Variants in NLGN4Y observed in about 807,000 individuals in gnomAD.
NLGN4Y encodes the protein neuroligin-4, Y-linked.
Under a neutral mutation model 8.4 loss-of-function variants are expected in NLGN4Y, and 4 were observed. That is an observed-to-expected ratio of 0.48 (90% CI 0.23 to 1.09). The LOEUF (loss-of-function observed/expected upper bound fraction) is 1.09, where lower values mean the gene tolerates loss of function less well. Among genes scored for constraint, NLGN4Y ranks in the 50% least tolerant of loss-of-function variants. The probability of loss-of-function intolerance (pLI) is 0.19; values close to 1 mark genes in which losing one functional copy is unlikely to be tolerated. For missense variants in NLGN4Y, 90 were observed against 192.3 expected, an observed-to-expected ratio of 0.47 and a Z score of 3.15; for synonymous variants, 35 against 75.6, an observed-to-expected ratio of 0.46 and a Z score of 2.78.
intron 2 of NLGN4Y, among the ~76,000 whole-genome samples, chrY:14,694,961 C>A (rs2080822715): frequency 3.0e-5 from 1 of 33,641 alleles, no homozygotes; most frequent in Non-Finnish European, 7.4e-5. Context: ...GGCTTTCCAG[C>A]CATTATAATT....
intron 2 of NLGN4Y, among the ~76,000 whole-genome samples, chrY:14,702,453 G>A (rs2080855153): frequency 3.1e-5 from 1 of 31,861 alleles, no homozygotes; most frequent in Non-Finnish European, 7.6e-5. Context: ...GAGAATGATG[G>A]TTTCCAGCTT....
intron 2 of NLGN4Y, among the ~76,000 whole-genome samples, chrY:14,702,253 C>G: frequency 3.1e-5 from 1 of 32,432 alleles, no homozygotes; most frequent in Non-Finnish European, 7.5e-5. Flanking sequence ...TGTTGGTGTG[C>G]TGCACCCATT....
chrY:14,695,323 AT>A (rs2080823827), intron 2 of NLGN4Y, among the ~76,000 whole-genome samples: 1 of 33,677 alleles, frequency 3.0e-5, no homozygotes, highest in Non-Finnish European at 7.4e-5. Context: ...ATGTTCTTTA[AT>A]CCTAATAGGG....
rs376814744 is a variant in NLGN4Y at position 14,820,301 on chromosome Y, C to T, written c.686-3887C>T. On this transcript the variant is annotated intron_variant, in intron 4 of 6. Transcript: ENST00000684976. The stretch of plus-strand genomic sequence containing the variant: ...ATCTGTAAGAGTCCTAAGCATTCTC[C>T]TCTTAGTATTGGGACCTTATCCTTG... Among the ~76,000 whole-genome samples, 156 of 32,971 alleles carry T rather than the reference C, an allele frequency of 4.7e-3. No homozygotes were observed. In the East Asian group the frequency reaches 0.07, roughly 15 times the overall value. The allele number at this position is 32,971 out of a possible 37,273, so 88.5% of individuals were successfully genotyped here.
chrY:14,589,778 C>T, intron 1 of NLGN4Y, among the ~76,000 whole-genome samples: 2 of 34,515 alleles, frequency 5.8e-5, no homozygotes, highest in African/African-American at 2.3e-4. Flanking sequence ...CTGCACCATG[C>T]GCTCACATTC....
At chrY:14,584,513 G>A in intron 1 of NLGN4Y, among the ~76,000 whole-genome samples, 1 of 32,527 alleles carries the variant, frequency 3.1e-5, no homozygotes, top group Admixed American at 2.9e-4. Context: ...CTGAGGAGGC[G>A]GCATTTCATC....
intron 2 of NLGN4Y, among the ~76,000 whole-genome samples, chrY:14,701,902 G>A (rs905338901): frequency 3.0e-5 from 1 of 33,215 alleles, no homozygotes. Context: ...CCACTGGAGA[G>A]ATGAGAAGAA....
intron 4 of NLGN4Y, among the ~76,000 whole-genome samples, chrY:14,755,733 C>T: frequency 3.0e-5 from 1 of 33,243 alleles, no homozygotes; most frequent in African/African-American, 1.2e-4. Flanking sequence ...CTAGGTACTC[C>T]AGAGGTTGAG....
chrY:14,634,194 A>G, intron 2 of NLGN4Y, among the ~76,000 whole-genome samples: 3 of 33,777 alleles, frequency 8.9e-5, no homozygotes, highest in Non-Finnish European at 2.2e-4. Flanking sequence ...TGACCTATCT[A>G]TGGAATAGCT....
chrY:14,660,499 T>C, intron 2 of NLGN4Y, among the ~76,000 whole-genome samples: 1 of 32,086 alleles, frequency 3.1e-5, no homozygotes, highest in Non-Finnish European at 7.6e-5. Context: ...TCCTTCCACC[T>C]AAGCCTCCCT....
intron 4 of NLGN4Y, among the ~76,000 whole-genome samples, chrY:14,746,354 A>G (rs2081024126): frequency 3.0e-5 from 1 of 33,315 alleles, no homozygotes; most frequent in African/African-American, 1.2e-4. Context: ...AGGACCAAGG[A>G]GCACTTTTTT....
intron 4 of NLGN4Y, among the ~76,000 whole-genome samples, chrY:14,791,582 A>C: frequency 3.0e-5 from 1 of 33,121 alleles, no homozygotes; most frequent in Non-Finnish European, 7.4e-5. Flanking sequence ...TCCTACCCTG[A>C]CATTCAATTA....
intron 4 of NLGN4Y, chrY:14,748,681 C>T (rs2081030364): frequency 2.7e-5 from 5 of 185,344 alleles, no homozygotes; most frequent in Non-Finnish European, 4.2e-5. Context: ...GCAGGCACCA[C>T]GGGATTGCAA....
chrY:14,533,600 G>T, intron 1 of NLGN4Y, among the ~76,000 whole-genome samples: 3 of 32,942 alleles, frequency 9.1e-5, no homozygotes, highest in African/African-American at 3.6e-4. Flanking sequence ...TTTTTTTTGT[G>T]TGTGTGTTCT....
chrY:14,637,248 A>G (rs957220076), intron 2 of NLGN4Y, among the ~76,000 whole-genome samples: 1 of 33,463 alleles, frequency 3.0e-5, no homozygotes, highest in Non-Finnish European at 7.4e-5. Flanking sequence ...AGAAAGGGAA[A>G]GGTTGGTGAT....
intron 2 of NLGN4Y, among the ~76,000 whole-genome samples, chrY:14,690,999 T>C: frequency 3.0e-5 from 1 of 32,968 alleles, no homozygotes; most frequent in South Asian, 6.8e-4. Context: ...CATGTGCTGT[T>C]ATCCTCTCAT....
At chrY:14,668,152 G>A (rs982347926) in intron 2 of NLGN4Y, among the ~76,000 whole-genome samples, 34 of 33,132 alleles carry the variant, frequency 1.0e-3, no homozygotes, top group Non-Finnish European at 4.5e-4. Flanking sequence ...CTATTTGAGA[G>A]ATATTTCAGA....
At chrY:14,692,575 A>G in intron 2 of NLGN4Y, among the ~76,000 whole-genome samples, 1 of 33,344 alleles carries the variant, frequency 3.0e-5, no homozygotes, top group Non-Finnish European at 7.4e-5. Flanking sequence ...CCCTTAGTCT[A>G]TGCAAATCAG....
intron 2 of NLGN4Y, among the ~76,000 whole-genome samples, chrY:14,653,611 G>A (rs1040189005): frequency 3.1e-5 from 1 of 32,615 alleles, no homozygotes; most frequent in Non-Finnish European, 7.5e-5. Context: ...GTGCAATGGC[G>A]CGATCTCAGA....
Sources: gnomAD v4.1 joint callset for allele counts (sites outside exome capture counted in the v4.1 genomes callset) on GRCh38, gnomAD v4.1.1 for gene constraint, MANE v1.5 for transcripts, NCBI Gene and HGNC (gene_info 2026-07-23, HGNC 2026-07-21) for gene names.